The following PIBF1 variants were observed in gnomAD, a reference collection of about 807,000 sequenced individuals.
PIBF1 encodes progesterone-induced-blocking factor 1.
In PIBF1, 90 loss-of-function variants were observed where a neutral mutation model predicts 112.5. The observed-to-expected ratio is 0.80, with a 90% CI of 0.67 to 0.95. The LOEUF (loss-of-function observed/expected upper bound fraction) is 0.95, where lower values mean the gene tolerates loss of function less well. PIBF1 is among the 40% of genes least tolerant of loss of function. The pLI is 0.00. For missense variants in PIBF1, 915 were observed against 852.3 expected, an observed-to-expected ratio of 1.07 and a Z score of -0.92; for synonymous variants, 301 against 288.6, an observed-to-expected ratio of 1.04 and a Z score of -0.44.
chr13:72,844,753 A>ATGAAGT lies in PIBF1; in HGVS notation c.1224-9304_1224-9303insTGAAGT. Among the ~76,000 whole-genome samples, 2 of 96,660 alleles carry ATGAAGT rather than the reference A, an allele frequency of 2.1e-5. 1 individual carries two copies. The highest frequency in any genetic ancestry group is 8.1e-4 in the South Asian group (2 of 2,476). The allele number at this position is 96,660 out of a possible 152,430, so 63.4% of individuals were successfully genotyped here. A position where few individuals can be genotyped will look rare whatever the true frequency, so the allele number is the denominator to read the frequency against. ...TACACACACACACACACACACACAC[A>ATGAAGT]CACACACACACACACACACACACAC... On this transcript the variant is annotated intron_variant, in intron 9 of 17. Transcript: ENST00000326291.
At chr13:72,864,560 T>C (rs556437772) in intron 10 of PIBF1, among the ~76,000 whole-genome samples, 1 of 152,066 alleles carries the variant, frequency 6.6e-6, no homozygotes, top group Non-Finnish European at 1.5e-5. Flanking sequence ...TGTGCGTGCA[T>C]GTGTGTGTGT....
intron 3 of PIBF1, among the ~76,000 whole-genome samples, chr13:72,793,068 T>C (rs1229348827): frequency 6.6e-6 from 1 of 152,236 alleles, no homozygotes; most frequent in Non-Finnish European, 1.5e-5. Flanking sequence ...AACACAAGTT[T>C]AAAGATTGAG....
At chr13:72,994,743 C>G (rs764399033) in intron 16 of PIBF1, among the ~76,000 whole-genome samples, 1 of 152,078 alleles carries the variant, frequency 6.6e-6, no homozygotes, top group African/African-American at 2.4e-5. Context: ...AGAACCGAAC[C>G]AGGTTAGAAG....
chr13:72,823,656 C>T (rs1285206640), intron 6 of PIBF1, among the ~76,000 whole-genome samples: 1 of 152,120 alleles, frequency 6.6e-6, no homozygotes, highest in African/African-American at 2.4e-5. Context: ...AATTCAAATG[C>T]TTTTCAGTAG....
chr13:72,843,066 A>G (rs1479173497), intron 9 of PIBF1, among the ~76,000 whole-genome samples: 1 of 152,150 alleles, frequency 6.6e-6, no homozygotes, highest in African/African-American at 2.4e-5. Flanking sequence ...AGAGGCTGGT[A>G]AAGTAAGATT....
rs1175872081 is a variant in PIBF1, at chr13:72,873,414, T to C, written c.1322+19259T>C. Among the ~76,000 whole-genome samples the C allele has an allele frequency of 2.0e-5, 3 of 152,314 alleles. No homozygotes were observed. The East Asian group carries it at 5.8e-4, about 29-fold the overall frequency. On this transcript the variant is annotated intron_variant, in intron 10 of 17. Coordinates refer to ENST00000326291, the MANE Select transcript of PIBF1 (RefSeq NM_006346.4). ...TAAGAAAAACTTGTTTTCTTTTTTTTTGAGCTGGAGTTTTGCTCTTGTTGC... is the reference window on the plus strand; with the variant it reads ...TAAGAAAAACTTGTTTTCTTTTTTTCTGAGCTGGAGTTTTGCTCTTGTTGC...
chr13:72,978,387 A>C (rs1328491305), intron 16 of PIBF1, among the ~76,000 whole-genome samples: 2 of 152,220 alleles, frequency 1.3e-5, no homozygotes, highest in Non-Finnish European at 2.9e-5. Flanking sequence ...AACTGTGATT[A>C]CGTAGTCAAA....
chr13:72,842,721 T>A (rs1009774458), intron 9 of PIBF1, among the ~76,000 whole-genome samples: 2 of 152,202 alleles, frequency 1.3e-5, no homozygotes, highest in African/African-American at 4.8e-5. Context: ...GTTCATATCT[T>A]ACCAGGTATC....
At chr13:72,794,967 G>T (rs1362494092) in intron 3 of PIBF1, among the ~76,000 whole-genome samples, 1 of 152,164 alleles carries the variant, frequency 6.6e-6, no homozygotes. Flanking sequence ...CCTTATGGTG[G>T]TTCAGTGTTA....
intron 16 of PIBF1, among the ~76,000 whole-genome samples, chr13:72,981,710 T>A (rs1366256323): frequency 6.6e-6 from 1 of 152,234 alleles, no homozygotes; most frequent in Admixed American, 6.5e-5. Flanking sequence ...TACCATTCTG[T>A]GTAATTTTTC....
chr13:72,825,916 A>G (rs945405789), intron 6 of PIBF1, among the ~76,000 whole-genome samples: 13 of 151,618 alleles, frequency 8.6e-5, no homozygotes, highest in Admixed American at 7.9e-4. Flanking sequence ...AAAAAAAAAA[A>G]TTAAATTAGG....
At chr13:72,923,158 G>A (rs759961795) in intron 13 of PIBF1, among the ~76,000 whole-genome samples, 33 of 152,234 alleles carry the variant, frequency 2.2e-4, no homozygotes, top group Admixed American at 1.0e-3. Context: ...GTAAGACACC[G>A]TACCAATACT....
At chr13:72,989,914 C>A (rs1344760701) in intron 16 of PIBF1, among the ~76,000 whole-genome samples, 4 of 151,996 alleles carry the variant, frequency 2.6e-5, no homozygotes, top group African/African-American at 7.3e-5. Context: ...TCATAAAATG[C>A]TTTATTAAAA....
chr13:72,945,576 G>A (rs1006349298), intron 14 of PIBF1, among the ~76,000 whole-genome samples: 4 of 152,108 alleles, frequency 2.6e-5, no homozygotes, highest in East Asian at 3.9e-4. Context: ...TATTCTGATT[G>A]GTATGAGATG....
At chr13:73,012,693 T>C (rs1050416856) in intron 17 of PIBF1, among the ~76,000 whole-genome samples, 2 of 151,904 alleles carry the variant, frequency 1.3e-5, no homozygotes, top group Non-Finnish European at 2.9e-5. Context: ...AGGTCAAGGC[T>C]GCAGTGAGCC....
At chr13:72,893,317 A>C (rs528982556) in intron 10 of PIBF1, among the ~76,000 whole-genome samples, 1 of 152,218 alleles carries the variant, frequency 6.6e-6, no homozygotes, top group African/African-American at 2.4e-5. Flanking sequence ...AAATATATGT[A>C]TATGTACTAA....
chr13:72,946,292 C>T (rs893629880), intron 14 of PIBF1, among the ~76,000 whole-genome samples: 3 of 152,142 alleles, frequency 2.0e-5, no homozygotes, highest in Non-Finnish European at 4.4e-5. Flanking sequence ...TGAGAACTCA[C>T]TCACTATCAT....
intron 5 of PIBF1, among the ~76,000 whole-genome samples, chr13:72,809,738 C>T (rs1355983859): frequency 6.6e-6 from 1 of 151,534 alleles, no homozygotes; most frequent in Non-Finnish European, 1.5e-5. Flanking sequence ...TACAGGCATG[C>T]GCCACCATGC....
At chr13:72,808,751 C>A (rs957033345) in intron 5 of PIBF1, among the ~76,000 whole-genome samples, 1 of 152,136 alleles carries the variant, frequency 6.6e-6, no homozygotes, top group South Asian at 2.1e-4. Context: ...AGCTGCAGTT[C>A]CCATAAATAC....
Sources: gnomAD v4.1 joint callset for allele counts (sites outside exome capture counted in the v4.1 genomes callset) on GRCh38, gnomAD v4.1.1 for gene constraint, MANE v1.5 for transcripts, NCBI Gene and HGNC (gene_info 2026-07-23, HGNC 2026-07-21) for gene names.